AGMO: variants seen among roughly 807,000 people sequenced by gnomAD.
The protein encoded by AGMO is alkylglycerol monooxygenase.
A neutral mutation model predicts 60.2 loss-of-function variants in AGMO; 75 were observed. That is an observed-to-expected ratio of 1.25 (90% CI 1.03 to 1.51). AGMO has a LOEUF of 1.51. Among genes scored for constraint, AGMO ranks in the 40% most tolerant of loss-of-function variants. The probability of loss-of-function intolerance (pLI) is 0.00; values close to 1 mark genes in which losing one functional copy is unlikely to be tolerated. For synonymous variants in AGMO, 261 were observed against 177.1 expected (o/e 1.47, Z -3.76); for missense variants, 763 against 525.5 (o/e 1.45, Z -4.42).
chr7:15,208,348 A>G (rs1781492629), intron 12 of AGMO, among the ~76,000 whole-genome samples: 1 of 152,206 alleles, frequency 6.6e-6, no homozygotes, highest in African/African-American at 2.4e-5. Context: ...TATCTTAGTA[A>G]AGGTGTACTT....
chr7:15,511,577 A>G (rs564145361), intron 3 of AGMO, among the ~76,000 whole-genome samples: 97 of 152,218 alleles, frequency 6.4e-4, no homozygotes, highest in African/African-American at 2.2e-3. Flanking sequence ...CAGCCTGGTG[A>G]CTATAGACAA....
At chr7:15,545,557 C>A (rs989792479) in intron 2 of AGMO, among the ~76,000 whole-genome samples, 5 of 151,824 alleles carry the variant, frequency 3.3e-5, no homozygotes, top group African/African-American at 1.2e-4. Context: ...TTCAACATTT[C>A]TTATAAGTAA....
At chr7:15,372,119 T>C (rs900519481) in intron 10 of AGMO, among the ~76,000 whole-genome samples, 9 of 151,432 alleles carry the variant, frequency 5.9e-5, no homozygotes, top group African/African-American at 2.2e-4. Flanking sequence ...TATCCTTTGA[T>C]AGACTACTAA....
intron 3 of AGMO, among the ~76,000 whole-genome samples, chr7:15,494,782 C>G (rs1783178608): frequency 6.6e-6 from 1 of 152,194 alleles, no homozygotes; most frequent in African/African-American, 2.4e-5. Context: ...AATACAGACA[C>G]AATTTACCAG....
At chr7:15,417,167 C>T (rs549345115) in intron 5 of AGMO, among the ~76,000 whole-genome samples, 1 of 152,208 alleles carries the variant, frequency 6.6e-6, no homozygotes, top group East Asian at 1.9e-4. Context: ...CTGTAGGAAC[C>T]CACACATAGT....
chr7:15,284,209 C>G (rs1784042612), intron 12 of AGMO, among the ~76,000 whole-genome samples: 2 of 151,674 alleles, frequency 1.3e-5, no homozygotes, highest in African/African-American at 4.8e-5. Context: ...AAAGCTAGCA[C>G]AAGTAAATAC....
At chr7:15,213,611 AG>A (rs1255103534) in intron 12 of AGMO, among the ~76,000 whole-genome samples, 2 of 151,874 alleles carry the variant, frequency 1.3e-5, no homozygotes, top group Admixed American at 6.6e-5. Flanking sequence ...ACACATTTGA[AG>A]TATGTATAGA....
At chr7:15,361,277 G>GAA (rs879496227) in intron 12 of AGMO, among the ~76,000 whole-genome samples, 7 of 137,978 alleles carry the variant, frequency 5.1e-5, no homozygotes, top group Non-Finnish European at 7.9e-5. Flanking sequence ...GAACTTAGTT[G>GAA]AAAAAAAAAA....
chr7:15,269,963 T>C (rs1216909851), intron 12 of AGMO, among the ~76,000 whole-genome samples: 1 of 152,100 alleles, frequency 6.6e-6, no homozygotes, highest in African/African-American at 2.4e-5. Context: ...ATTATGAAAT[T>C]AGTATTTCAT....
chr7:15,416,872 T>C (rs1780788463), intron 5 of AGMO, among the ~76,000 whole-genome samples: 1 of 152,164 alleles, frequency 6.6e-6, no homozygotes, highest in African/African-American at 2.4e-5. Context: ...AAGCAAATGA[T>C]AAAAATAATT....
chr7:15,179,042 C>G, the AGMO span, among the ~76,000 whole-genome samples: 1 of 152,120 alleles, frequency 6.6e-6, no homozygotes, highest in South Asian at 2.1e-4. Context: ...GACCTAATCA[C>G]CTTTTAATAG....
chr7:15,254,050 A>G (rs1335892801), intron 12 of AGMO, among the ~76,000 whole-genome samples: 2 of 152,086 alleles, frequency 1.3e-5, no homozygotes, highest in African/African-American at 2.4e-5. Context: ...ATAGAATTTT[A>G]TCATTTTTAT....
At chr7:15,309,879 G>T (rs77056057) in intron 12 of AGMO, among the ~76,000 whole-genome samples, 4,579 of 152,118 alleles carry the variant, frequency 0.03, 217 homozygotes, top group African/African-American at 0.1. Flanking sequence ...AAGTATACTG[G>T]CTCCAGGTTC....
At chr7:15,350,177 T>A (rs1782189142) in intron 12 of AGMO, among the ~76,000 whole-genome samples, 1 of 152,130 alleles carries the variant, frequency 6.6e-6, no homozygotes. Context: ...TTTAAATACT[T>A]GTTCAAGGAT....
chr7:15,165,265 T>A, the AGMO span, among the ~76,000 whole-genome samples: 1 of 151,872 alleles, frequency 6.6e-6, no homozygotes, highest in African/African-American at 2.4e-5. Context: ...GGTTGAAAAA[T>A]TTCCTATTGG....
Position 15,252,191 on chromosome 7 carries a change from G to A in AGMO, c.1264-50832C>T, listed in dbSNP as rs371350572. 6.6e-5 allele frequency among the ~76,000 whole-genome samples: 10 copies of A among 152,158 alleles called. 1 individual carries two copies. The highest frequency in any genetic ancestry group is 2.4e-4 in the African/African-American group (10 of 41,438). On this transcript the variant is annotated intron_variant, in intron 12 of 12. Transcript: ENST00000342526. ...ACATAAATTATATAGTATGTAAGAAGTTGGTAAGTATTATGGAGAAAAGGA... is the reference window on the plus strand; with the variant it reads ...ACATAAATTATATAGTATGTAAGAAATTGGTAAGTATTATGGAGAAAAGGA...
In AGMO at chr7:15,560,418, C is replaced by T. The variant is rs140375668; in HGVS notation, c.127-147G>A. On this transcript the variant is annotated intron_variant, in intron 1 of 12. Coordinates refer to ENST00000342526, the MANE Select transcript of AGMO (RefSeq NM_001004320.2). Reference sequence around the variant, plus strand: ...GACACTCATTTTAGAGGATTACTTCCTACACAGTGGTAAAGAAGTCTAATT... The same window carrying T: ...GACACTCATTTTAGAGGATTACTTCTTACACAGTGGTAAAGAAGTCTAATT... The T allele has an allele frequency of 9.7e-6, 7 of 720,132 alleles. No individual in the cohort carries two copies. In the African/African-American group the frequency reaches 1.3e-4, roughly 13 times the overall value. 44.6% of individuals were successfully genotyped at this position (720,132 alleles called of 1,614,324 possible).
At chr7:15,420,707 T>C (rs1351753284) in intron 4 of AGMO, among the ~76,000 whole-genome samples, 1 of 152,160 alleles carries the variant, frequency 6.6e-6, no homozygotes, top group Non-Finnish European at 1.5e-5. Flanking sequence ...ACTTCCATTA[T>C]AAATCTTTAT....
At chr7:15,328,901 C>T (rs1011385781) in intron 12 of AGMO, among the ~76,000 whole-genome samples, 1 of 152,114 alleles carries the variant, frequency 6.6e-6, no homozygotes, top group Non-Finnish European at 1.5e-5. Flanking sequence ...TGAACACACT[C>T]ATCTTTCCAT....
Sources: gnomAD v4.1 joint callset for allele counts (sites outside exome capture counted in the v4.1 genomes callset) on GRCh38, gnomAD v4.1.1 for gene constraint, MANE v1.5 for transcripts, NCBI Gene and HGNC (gene_info 2026-07-23, HGNC 2026-07-21) for gene names.